GRIK3: variants seen among roughly 807,000 people sequenced by gnomAD.
GRIK3 encodes the protein glutamate receptor ionotropic, kainate 3.
A neutral mutation model predicts 102.5 loss-of-function variants in GRIK3; 29 were observed. The observed-to-expected ratio is 0.28, with a 90% CI of 0.21 to 0.39. GRIK3 has a LOEUF of 0.39. Among genes scored for constraint, GRIK3 ranks in the 10% least tolerant of loss-of-function variants. The pLI, the probability that GRIK3 is intolerant of heterozygous loss-of-function variation, is 1.00. For synonymous variants in GRIK3, 511 were observed against 504.9 expected (o/e 1.01, Z -0.16); for missense variants, 908 against 1,252.4 (o/e 0.73, Z 4.15).
rs1640766422 is a variant in GRIK3 at position 36,864,912 on chromosome 1, C to T, written c.786+4836G>A. Among the ~76,000 whole-genome samples the T allele has an allele frequency of 2.0e-5, 3 of 151,812 alleles. No individual in the cohort carries two copies. In the South Asian group the frequency reaches 6.2e-4, roughly 32 times the overall value. ...AGTGCTGTACACTGTGAACTGTGTG[C>T]AACCTTGCTGCTTGGCAAAAAGTTG... On this transcript the variant is annotated intron_variant, in intron 5 of 15. Coordinates refer to ENST00000373091, the MANE Select transcript of GRIK3 (RefSeq NM_000831.4).
intron 5 of GRIK3, among the ~76,000 whole-genome samples, chr1:36,867,275 T>C (rs1260199853): frequency 6.6e-6 from 1 of 152,142 alleles, no homozygotes; most frequent in East Asian, 1.9e-4. Flanking sequence ...TCACCCACTT[T>C]CCCAGATCCA....
chr1:36,912,271 T>G (rs529162102), intron 1 of GRIK3, among the ~76,000 whole-genome samples: 4 of 152,264 alleles, frequency 2.6e-5, no homozygotes, highest in African/African-American at 9.6e-5. Flanking sequence ...TCTCTGATAC[T>G]CTCTGGCAAA....
intron 1 of GRIK3, among the ~76,000 whole-genome samples, chr1:36,966,647 A>C (rs1483576014): frequency 6.6e-6 from 1 of 151,908 alleles, no homozygotes; most frequent in Non-Finnish European, 1.5e-5. Context: ...TTCCTCACGA[A>C]GCCGGGTGTC....
At chr1:37,029,536 C>T (rs1642798473) in intron 1 of GRIK3, among the ~76,000 whole-genome samples, 1 of 152,242 alleles carries the variant, frequency 6.6e-6, no homozygotes, top group Non-Finnish European at 1.5e-5. Flanking sequence ...CAGTCCCAGT[C>T]ACTGAGATCA....
intron 11 of GRIK3, among the ~76,000 whole-genome samples, chr1:36,825,321 A>G (rs989488077): frequency 5.3e-5 from 8 of 152,078 alleles, no homozygotes; most frequent in Admixed American, 2.0e-4. Context: ...GACCTCTACG[A>G]GCCTGCCAAT....
In GRIK3 at chr1:36,964,112, A is replaced by G. The variant is rs1029217643; in HGVS notation, c.115+69882T>C. Among the ~76,000 whole-genome samples the G allele has an allele frequency of 3.9e-5, 6 of 152,342 alleles. No homozygotes were observed. The South Asian group carries it at 1.0e-3, about 26-fold the overall frequency. ...AGAAGCCGTGGGCCTGGCCTGGGCA[A>G]GAAGAGAGTCACTCATTAGTATGGG... On this transcript the variant is annotated intron_variant, in intron 1 of 15. Coordinates refer to ENST00000373091, the MANE Select transcript of GRIK3 (RefSeq NM_000831.4).
At chr1:36,842,040 A>G (rs1244528670) in intron 9 of GRIK3, 101 bp from the exon 10 acceptor site, 1 of 973,402 alleles carries the variant, frequency 1.0e-6, no homozygotes. Context: ...TCATGTTTTT[A>G]TAAACCCCTT....
chr1:36,861,032 T>C (rs981964597), intron 5 of GRIK3, among the ~76,000 whole-genome samples: 2 of 152,154 alleles, frequency 1.3e-5, no homozygotes, highest in Non-Finnish European at 2.9e-5. Context: ...CTCCCCAAGG[T>C]TGTGGTTTTA....
intron 1 of GRIK3, among the ~76,000 whole-genome samples, chr1:37,014,024 C>G (rs1379596355): frequency 1.3e-5 from 2 of 152,238 alleles, no homozygotes; most frequent in African/African-American, 4.8e-5. Flanking sequence ...CTCATACGCT[C>G]TGTTCCCTCT....
intron 1 of GRIK3, among the ~76,000 whole-genome samples, chr1:36,989,323 C>A (rs1642340218): frequency 6.6e-6 from 1 of 152,210 alleles, no homozygotes; most frequent in African/African-American, 2.4e-5. Flanking sequence ...CACCCAAGTG[C>A]CAGTGCTTGT....
chr1:36,957,619 A>AGC (rs200334305), intron 1 of GRIK3, among the ~76,000 whole-genome samples: 2 of 101,188 alleles, frequency 2.0e-5, no homozygotes, highest in East Asian at 3.3e-4. Flanking sequence ...GTGCCCTGTG[A>AGC]CTGTGCCCCG....
At chr1:36,923,756 G>A (rs916804576) in intron 1 of GRIK3, among the ~76,000 whole-genome samples, 4 of 152,162 alleles carry the variant, frequency 2.6e-5, no homozygotes, top group Admixed American at 2.0e-4. Flanking sequence ...ATAACCTAGT[G>A]AGAAGCTGAA....
At chr1:36,838,829 T>A (rs1007774376) in intron 10 of GRIK3, among the ~76,000 whole-genome samples, 1 of 152,210 alleles carries the variant, frequency 6.6e-6, no homozygotes, top group Non-Finnish European at 1.5e-5. Context: ...TAATATATGG[T>A]TATGATGTTA....
chr1:36,858,738 T>C (rs1640682759), intron 7 of GRIK3, among the ~76,000 whole-genome samples: 1 of 152,136 alleles, frequency 6.6e-6, no homozygotes, highest in African/African-American at 2.4e-5. Flanking sequence ...AGGTTATGCT[T>C]CATATACCCA....
intron 2 of GRIK3, among the ~76,000 whole-genome samples, chr1:36,882,409 G>A (rs1640990804): frequency 6.6e-6 from 1 of 152,160 alleles, no homozygotes; most frequent in Admixed American, 6.5e-5. Flanking sequence ...GCTCAAAATG[G>A]GGGATTCTGC....
At chr1:36,884,795 C>T (rs528710623) in intron 2 of GRIK3, among the ~76,000 whole-genome samples, 16 of 152,322 alleles carry the variant, frequency 1.1e-4, no homozygotes, top group East Asian at 7.7e-4. Context: ...ACCACCTCTA[C>T]GCATCTGCCT....
At chr1:36,875,563 C>T (rs564656054) in intron 3 of GRIK3, among the ~76,000 whole-genome samples, 2 of 152,340 alleles carry the variant, frequency 1.3e-5, no homozygotes, top group African/African-American at 4.8e-5. Flanking sequence ...TTTGCTCTCT[C>T]GCCCCTCTGC....
intron 1 of GRIK3, among the ~76,000 whole-genome samples, chr1:36,998,979 AGTGTGTGTGT>A (rs768062478): frequency 1.6e-5 from 2 of 128,296 alleles, no homozygotes; most frequent in Admixed American, 7.4e-5. Flanking sequence ...GAACTTTGGA[AGTGTGTGTGT>A]GTGTGTGTGT....
intron 5 of GRIK3, 28 bp from the exon 6 acceptor site, chr1:36,860,045 A>G: frequency 6.5e-7 from 1 of 1,530,284 alleles, no homozygotes; most frequent in Non-Finnish European, 8.8e-7. Context: ...TGTGTAAACC[A>G]AGGCATGCTC....
Sources: allele counts gnomAD v4.1 joint callset (sites outside exome capture counted in the v4.1 genomes callset), GRCh38; gene constraint gnomAD v4.1.1; transcripts MANE v1.5; gene names NCBI Gene and HGNC (gene_info 2026-07-23, HGNC 2026-07-21).